The following GAPVD1 variants were observed in gnomAD, a reference collection of about 807,000 sequenced individuals.
GAPVD1 encodes the protein GTPase-activating protein and VPS9 domain-containing protein 1.
A neutral mutation model predicts 155.5 loss-of-function variants in GAPVD1; 35 were observed. The ratio of observed to expected loss-of-function variants is 0.23; its 90% CI spans 0.17 to 0.30. The LOEUF is 0.30. Among genes scored for constraint, GAPVD1 ranks in the 10% least tolerant of loss-of-function variants. The pLI is 1.00. For missense variants in GAPVD1, 1,429 were observed against 1,775.7 expected, an observed-to-expected ratio of 0.80 and a Z score of 3.51; for synonymous variants, 636 against 619.7, an observed-to-expected ratio of 1.03 and a Z score of -0.39.
At chr9:125,354,619 A>T in intron 23 of GAPVD1, 35 bp from the exon 24 acceptor site, 1 of 1,400,532 alleles carries the variant, frequency 7.1e-7, no homozygotes, top group South Asian at 1.2e-5. Flanking sequence ...TGCACTGAAT[A>T]TATCTGATGT....
At chr9:125,336,890 T>C (rs1355625481) in intron 15 of GAPVD1, 128 bp from the exon 16 acceptor site, 7 of 596,178 alleles carry the variant, frequency 1.2e-5, no homozygotes, top group Non-Finnish European at 2.1e-5. Context: ...TTTTTTTTTC[T>C]GGTATGCCTC....
intron 2 of GAPVD1, among the ~76,000 whole-genome samples, chr9:125,291,862 A>T (rs1838659619): frequency 6.6e-6 from 1 of 152,158 alleles, no homozygotes; most frequent in South Asian, 2.1e-4. Flanking sequence ...TTTTCTGATA[A>T]TTGAACTTGT....
chr9:125,301,909 T>C (rs1840948755), intron 4 of GAPVD1, 74 bp from the exon 5 acceptor site: 1 of 1,152,316 alleles, frequency 8.7e-7, no homozygotes, highest in East Asian at 2.6e-5. Context: ...ATATCCATGT[T>C]TGGATATAGT....
At chr9:125,322,378 A>G (rs910398187) in intron 10 of GAPVD1, among the ~76,000 whole-genome samples, 3 of 151,466 alleles carry the variant, frequency 2.0e-5, no homozygotes, top group African/African-American at 4.9e-5. Flanking sequence ...GTTTTTTTTT[A>G]TTTAAAGACA....
intron 9 of GAPVD1, among the ~76,000 whole-genome samples, chr9:125,316,813 C>A (rs1017254118): frequency 6.6e-6 from 1 of 152,196 alleles, no homozygotes; most frequent in Non-Finnish European, 1.5e-5. Flanking sequence ...TGAGGAATTG[C>A]CACACTGTCT....
At chr9:125,312,824 G>C (rs1247538047) in intron 9 of GAPVD1, among the ~76,000 whole-genome samples, 3 of 151,960 alleles carry the variant, frequency 2.0e-5, no homozygotes, top group African/African-American at 7.3e-5. Flanking sequence ...GTGTCTTTGG[G>C]CTTATTTTTT....
At chr9:125,332,727 C>T in intron 15 of GAPVD1, 98 bp downstream of exon 15, 1 of 934,700 alleles carries the variant, frequency 1.1e-6, no homozygotes, top group Non-Finnish European at 1.7e-6. Flanking sequence ...GTTGGTATAG[C>T]ACTTTGGGAC....
Position 125,320,861 on chromosome 9 carries a change from C to T in GAPVD1, c.1603-572C>T, listed in dbSNP as rs138975766. Among the ~76,000 whole-genome samples, 800 of 152,190 alleles carry T rather than the reference C, an allele frequency of 5.3e-3. 9 individuals carry two copies. Among genetic ancestry groups the T allele is most frequent in the African/African-American group, 0.017 (715 of 41,530 alleles). ...CAGCATGGTCTCGATCTCCTGACCT[C>T]GTGATCTGCCTGCCCTGGCCTCCCA... is the stretch of plus-strand genomic sequence containing the variant. On this transcript the variant is annotated intron_variant, in intron 9 of 27. Transcript: ENST00000297933.
intron 17 of GAPVD1, among the ~76,000 whole-genome samples, chr9:125,340,460 T>C (rs1439868928): frequency 6.6e-6 from 1 of 152,156 alleles, no homozygotes; most frequent in Non-Finnish European, 1.5e-5. Flanking sequence ...AGGTAACCTT[T>C]CTTTAGTCTC....
At chr9:125,296,228 G>T (rs1312651584) in intron 3 of GAPVD1, among the ~76,000 whole-genome samples, 1 of 150,658 alleles carries the variant, frequency 6.6e-6, no homozygotes, top group Non-Finnish European at 1.5e-5. Flanking sequence ...GCCCAGGCTG[G>T]AGTGCAGTGG....
rs1222108115 is a variant in GAPVD1, at chr9:125,330,168, C to T, written c.2123C>T (p.Ser708Leu). ...GACCCCTGCACTGGTTCTACCATAT[C>T]AGAGACAACAAGTGAAGCTTGGAGT... Reference protein sequence around the residue: ...LLDPCTGSTISETTSEAWSVE... With the variant: ...LLDPCTGSTILETTSEAWSVE... Residue 708 changes from serine (S) to leucine (L), a missense_variant, in exon 13 of 28, where the codon TCA becomes TTA. Physicochemically the swap from Ser to Leu is moderately radical, Grantham distance 145 (BLOSUM62 -2). This residue lies in a region of GAPVD1 where 699 missense variants were observed against 826.0 expected (regional missense o/e 0.85). Transcript: ENST00000297933. The T allele has an allele frequency of 6.2e-7, 1 of 1,612,042 alleles. No homozygotes were observed. Among genetic ancestry groups the T allele is most frequent in the African/African-American group, 1.3e-5 (1 of 74,846 alleles).
chr9:125,336,925 GAACCGTCAAAGAATACTTAA>G, intron 15 of GAPVD1, 73 bp from the exon 16 acceptor site: 1 of 698,108 alleles, frequency 1.4e-6, no homozygotes, highest in East Asian at 2.5e-5. Flanking sequence ...ATCAAAAAAG[GAACCGTCAAAGAATACTTAA>G]AACCCTTTAA....
chr9:125,294,611 G>T (rs576641192), intron 2 of GAPVD1, among the ~76,000 whole-genome samples: 3 of 150,712 alleles, frequency 2.0e-5, no homozygotes, highest in Non-Finnish European at 4.4e-5. Context: ...CTCCCAAAAT[G>T]CTGGGATTAC....
chr9:125,307,369 A>G, intron 6 of GAPVD1, 44 bp from the exon 7 acceptor site: 3 of 1,449,834 alleles, frequency 2.1e-6, no homozygotes, highest in Non-Finnish European at 1.9e-6. Flanking sequence ...TCGTTCCAGT[A>G]TTTTAAAGGG....
In GAPVD1 at chr9:125,347,783, G is replaced by A. The variant is rs536831795; in HGVS notation, c.3169+842G>A. ...AATATGTGTTTATGCTTATATGCAC[G>A]TAGAGTATCTCCTGGAAGAATCTCC... On this transcript the variant is annotated intron_variant, in intron 20 of 27. Coordinates refer to ENST00000297933, the MANE Select transcript of GAPVD1 (RefSeq NM_001282680.3). Among the ~76,000 whole-genome samples the A allele has an allele frequency of 4.3e-4, 66 of 152,000 alleles. No individual in the cohort carries two copies. The Middle Eastern group carries it at 0.024, about 55-fold the overall frequency.
At chr9:125,275,750 T>A (rs902577089) in intron 2 of GAPVD1, among the ~76,000 whole-genome samples, 1 of 152,158 alleles carries the variant, frequency 6.6e-6, no homozygotes, top group African/African-American at 2.4e-5. Context: ...AGCGAGACTC[T>A]TTCTCAAAAG....
intron 9 of GAPVD1, among the ~76,000 whole-genome samples, chr9:125,312,852 C>T (rs879805804): frequency 6.6e-6 from 1 of 152,060 alleles, no homozygotes; most frequent in African/African-American, 2.4e-5. Context: ...TGGAGTGTCA[C>T]TCTTGTTGCC....
intron 1 of GAPVD1, among the ~76,000 whole-genome samples, chr9:125,263,067 T>G (rs1260259373): frequency 6.6e-6 from 1 of 152,242 alleles, no homozygotes; most frequent in East Asian, 1.9e-4. Flanking sequence ...GTTTTGCTAA[T>G]ATTTCCATAT....
At chr9:125,317,995 A>G (rs1805289475) in intron 9 of GAPVD1, among the ~76,000 whole-genome samples, 1 of 152,152 alleles carries the variant, frequency 6.6e-6, no homozygotes, top group Admixed American at 6.5e-5. Flanking sequence ...CAAAAGACAA[A>G]GACATTATAT....
Sources: allele counts gnomAD v4.1 joint callset (sites outside exome capture counted in the v4.1 genomes callset), GRCh38; gene constraint gnomAD v4.1.1; regional missense constraint gnomAD v4.1.1; transcripts MANE v1.5; gene names NCBI Gene and HGNC (gene_info 2026-07-23, HGNC 2026-07-21).